OSGIN1: variants seen among roughly 807,000 people sequenced by gnomAD.
The protein encoded by OSGIN1 is oxidative stress induced growth inhibitor 1, also known as oxidative stress-induced growth inhibitor 1.
A neutral mutation model predicts 20.1 loss-of-function variants in OSGIN1; 19 were observed. The observed-to-expected ratio is 0.95, with a 90% CI of 0.66 to 1.39. The LOEUF (loss-of-function observed/expected upper bound fraction) is 1.39. Among genes scored for constraint, OSGIN1 ranks in the 40% most tolerant of loss-of-function variants. The pLI, the probability that OSGIN1 is intolerant of heterozygous loss-of-function variation, is 0.00. For missense variants in OSGIN1, 820 were observed against 653.0 expected (o/e 1.26, Z -2.79); for synonymous variants, 368 against 297.8 (o/e 1.24, Z -2.43).
chr16:83,959,038 T>A (rs1008503278), intron 2 of OSGIN1, among the ~76,000 whole-genome samples: 1 of 152,212 alleles, frequency 6.6e-6, no homozygotes, highest in African/African-American at 2.4e-5. Context: ...AAGCTCTCAG[T>A]ACAATTCCTG....
At chr16:83,960,794 G>A (rs2151077341) in intron 4 of OSGIN1, 34 bp downstream of exon 4, 5 of 1,602,704 alleles carry the variant, frequency 3.1e-6, no homozygotes, top group Non-Finnish European at 4.3e-6. Flanking sequence ...GCTTGTGGGG[G>A]GCTCTCTCCC....
chr16:83,953,330 C>G lies in OSGIN1; in HGVS notation c.-73C>G. On this transcript the variant is annotated 5_prime_UTR_variant, in exon 1 of 6. Coordinates refer to ENST00000393306, the MANE Select transcript of OSGIN1 (RefSeq NM_182981.3). ...TTCCCCTGACCCTCCTAGTGCACAA[C>G]TTGGCCGGGCTCACTGGGCTCCTGC... 1 of 1,288,966 alleles carries G rather than the reference C, an allele frequency of 7.8e-7. No homozygotes were observed. The highest frequency in any genetic ancestry group is 1.2e-5 in the South Asian group (1 of 80,994). 79.8% of individuals were successfully genotyped at this position (1,288,966 alleles called of 1,614,324 possible).
Position 83,966,095 on chromosome 16 carries a change from C to T in OSGIN1, c.*88C>T, listed in dbSNP as rs1416003426. The stretch of plus-strand genomic sequence containing the variant: ...GATGCAGGACCCGTCCAAAGATGCC[C>T]CGGGGAGGGGTGTCAGCCCACGTTG... On this transcript the variant is annotated 3_prime_UTR_variant, in exon 6 of 6. Coordinates refer to ENST00000393306, the MANE Select transcript of OSGIN1 (RefSeq NM_182981.3). 1 of 1,135,988 alleles carries T rather than the reference C, an allele frequency of 8.8e-7. No individual in the cohort carries two copies. The highest frequency in any genetic ancestry group is 2.6e-5 in the East Asian group (1 of 38,628). The allele number at this position is 1,135,988 out of a possible 1,614,324, so 70.4% of individuals were successfully genotyped here.
intron 4 of OSGIN1, 87 bp downstream of exon 4, chr16:83,960,847 CCTCATT>C: frequency 2.0e-6 from 3 of 1,501,008 alleles, no homozygotes; most frequent in Non-Finnish European, 2.7e-6. Flanking sequence ...ATCTCCCTTT[CCTCATT>C]CTCCACCCCG....
Position 83,961,103 on chromosome 16 carries a change from A to G in OSGIN1, c.488+31A>G, listed in dbSNP as rs200844331. ...GCCGCCCCGGAACGCCTTGGGGGAC[A>G]CGGAAGGTTGGGCCTGTGAACCCAG... is the stretch of plus-strand genomic sequence containing the variant. On this transcript the variant is annotated intron_variant, in intron 5 of 5. Coordinates refer to ENST00000393306, the MANE Select transcript of OSGIN1 (RefSeq NM_182981.3). 3.1e-4 allele frequency: 482 copies of G among 1,557,246 alleles called. 3 individuals are homozygous for G. In the African/African-American group the frequency reaches 5.1e-3, roughly 17 times the overall value.
chr16:83,963,762 A>T lies in OSGIN1; in HGVS notation c.489-1300A>T, dbSNP rs149538511. Among the ~76,000 whole-genome samples, 945 of 152,282 alleles carry T rather than the reference A, an allele frequency of 6.2e-3. 11 individuals are homozygous for T. The highest frequency in any genetic ancestry group is 0.022 in the African/African-American group (910 of 41,564). ...TCTCCCGTATGGGAGTTCATCTTGAACCATGAGCCCACAAGCTGGGTAGAT... is the reference window on the plus strand; with the variant it reads ...TCTCCCGTATGGGAGTTCATCTTGATCCATGAGCCCACAAGCTGGGTAGAT... On this transcript the variant is annotated intron_variant, in intron 5 of 5. Transcript: ENST00000393306.
intron 1 of OSGIN1, chr16:83,954,843 T>G: frequency 1.6e-6 from 1 of 621,208 alleles, no homozygotes; most frequent in Non-Finnish European, 2.0e-6. Flanking sequence ...CTCCTGCAAA[T>G]GCCCTTCTTG....
chr16:83,959,593 C>T (rs188276976), intron 3 of OSGIN1, among the ~76,000 whole-genome samples, 197 bp downstream of exon 3: 3 of 152,330 alleles, frequency 2.0e-5, no homozygotes, highest in African/African-American at 2.4e-5. Context: ...ATCTAGGGCT[C>T]ACTATGCCCT....
chr16:83,954,857 T>G, intron 1 of OSGIN1: 3 of 536,038 alleles, frequency 5.6e-6, no homozygotes, highest in Non-Finnish European at 7.2e-6. Flanking sequence ...CTTCTTGGGG[T>G]GGTGGGAAAA....
chr16:83,953,653 G>T (rs1426467573), intron 1 of OSGIN1, among the ~76,000 whole-genome samples: 1 of 152,242 alleles, frequency 6.6e-6, no homozygotes, highest in Non-Finnish European at 1.5e-5. Flanking sequence ...CCATGTGACC[G>T]CCGCTCCTAG....
intron 1 of OSGIN1, 114 bp downstream of exon 1, chr16:83,953,484 G>A: frequency 2.0e-6 from 2 of 995,300 alleles, no homozygotes; most frequent in Non-Finnish European, 2.7e-6. Context: ...CGGGGGTCCC[G>A]GGTGGTCCTG....
At chr16:83,958,186 C>T in intron 2 of OSGIN1, among the ~76,000 whole-genome samples, 1 of 152,174 alleles carries the variant, frequency 6.6e-6, no homozygotes, top group East Asian at 1.9e-4. Context: ...CCAGGCCTGG[C>T]CTCTTTACAG....
chr16:83,958,660 G>C (rs1909056441), intron 2 of OSGIN1, among the ~76,000 whole-genome samples: 1 of 152,236 alleles, frequency 6.6e-6, no homozygotes, highest in African/African-American at 2.4e-5. Flanking sequence ...TCACAGGGCT[G>C]TGCCTGGTGA....
rs543699045 is a variant in OSGIN1 at position 83,963,958 on chromosome 16, G to A, written c.489-1104G>A. Among the ~76,000 whole-genome samples, 4 of 148,876 alleles carry A rather than the reference G, an allele frequency of 2.7e-5. No homozygotes were observed. The East Asian group carries it at 5.8e-4, about 22-fold the overall frequency. On this transcript the variant is annotated intron_variant, in intron 5 of 5. Transcript: ENST00000393306. ...TCCTGCTGCTGCGTGGGCTGGGAAC[G>A]ATGGTGAGTGCGTCACATGGGAGTC... is the stretch of plus-strand genomic sequence containing the variant.
chr16:83,965,385 C>A lies in OSGIN1; in HGVS notation c.812C>A (p.Ala271Asp). The A allele has an allele frequency of 6.4e-7, 1 of 1,574,328 alleles. No homozygotes were observed. Among genetic ancestry groups the A allele is most frequent in the African/African-American group, 1.3e-5 (1 of 74,676 alleles). The change falls in exon 6 of 6, where the codon GCC (alanine) becomes GAC (aspartate). Residue 271 changes from alanine to aspartate, a missense_variant. Ala to Asp is a moderately radical substitution (Grantham distance 126). Transcript: ENST00000393306. ...ALPFIHHELSALEAATRVGAV... is the reference protein window; with the variant it reads ...ALPFIHHELSDLEAATRVGAV... The stretch of plus-strand genomic sequence containing the variant: ...CCCTTCATCCACCATGAGCTGTCTG[C>A]CCTGGAGGCCGCCACAAGGGTGGGT...
chr16:83,965,978 C>G lies in OSGIN1; in HGVS notation c.1405C>G (p.Leu469Val). 6.3e-7 allele frequency: 1 copy of G among 1,596,636 alleles called. No individual in the cohort carries two copies. The highest frequency in any genetic ancestry group is 2.3e-5 in the East Asian group (1 of 44,164). ...CGCCTTGGCTGTGGCCAGCTCCCTG[C>G]TAAGGAAGGAGACCAGGAAGCCACC... ...GGALAVASSL[L>V]RKETRKPP The change falls in exon 6 of 6, where the codon CTA becomes GTA. Residue 469 changes from leucine (L) to valine (V), a missense_variant. Transcript: ENST00000393306.
Position 83,960,591 on chromosome 16 carries a change from G to T in OSGIN1, c.227G>T (p.Gly76Val), listed in dbSNP as rs768843466. Residue 76 changes from glycine (G) to valine (V), a missense_variant, in exon 4 of 6, where the codon GGC becomes GTC. Coordinates refer to ENST00000393306, the MANE Select transcript of OSGIN1 (RefSeq NM_182981.3). ...CAGGACCTGGACTACCTGTCCGAAG[G>T]CCTCGAAGGCCGATCCCAAAGCCCC... is the stretch of plus-strand genomic sequence containing the variant. Reference protein sequence around the residue: ...LDQDLDYLSEGLEGRSQSPVA... With the variant: ...LDQDLDYLSEVLEGRSQSPVA... 12 of 1,613,218 alleles carry T rather than the reference G, an allele frequency of 7.4e-6. No individual in the cohort carries two copies. In the South Asian group the frequency reaches 1.1e-4, roughly 15 times the overall value.
chr16:83,956,328 ACT>A (rs1453224534), intron 1 of OSGIN1, among the ~76,000 whole-genome samples: 4 of 152,218 alleles, frequency 2.6e-5, no homozygotes, highest in Admixed American at 2.0e-4. Flanking sequence ...ATCTTCCAAA[ACT>A]CTGCGTTCAT....
Position 83,965,819 on chromosome 16 carries a change from C to T in OSGIN1, c.1246C>T (p.Pro416Ser). The T allele has an allele frequency of 6.2e-7, 1 of 1,612,948 alleles. No homozygotes were observed. Among genetic ancestry groups the T allele is most frequent in the Non-Finnish European group, 8.5e-7 (1 of 1,179,984 alleles). Residue 416 changes from proline to serine, a missense_variant, in exon 6 of 6, where the codon CCT (proline) becomes TCT (serine). Pro to Ser is a moderately conservative substitution (Grantham distance 74). Transcript: ENST00000393306. ...PGAGADFAVD[P>S]DQPLSAKRNP... ...GGCAGGGGCTGACTTTGCAGTGGAT[C>T]CTGACCAGCCGCTGAGCGCCAAGAG...
Sources: allele counts gnomAD v4.1 joint callset (sites outside exome capture counted in the v4.1 genomes callset), GRCh38; gene constraint gnomAD v4.1.1; transcripts MANE v1.5; gene names NCBI Gene and HGNC (gene_info 2026-07-23, HGNC 2026-07-21).